LYZ: variants seen among roughly 807,000 people sequenced by gnomAD.
LYZ encodes lysozyme C.
In LYZ, 18 loss-of-function variants were observed where a neutral mutation model predicts 15.8. That is an observed-to-expected ratio of 1.14 (90% CI 0.79 to 1.69). The LOEUF (loss-of-function observed/expected upper bound fraction) is 1.69, where lower values mean the gene tolerates loss of function less well. LYZ is among the 40% of genes most tolerant of loss of function. LYZ has a pLI of 0.00. For missense variants in LYZ, 139 were observed against 182.8 expected, an observed-to-expected ratio of 0.76 and a Z score of 1.38; for synonymous variants, 60 against 61.7, an observed-to-expected ratio of 0.97 and a Z score of 0.13.
chr12:69,349,491 G>C (rs1874794254), intron 1 of LYZ, among the ~76,000 whole-genome samples: 2 of 152,130 alleles, frequency 1.3e-5, no homozygotes, highest in Non-Finnish European at 2.9e-5. Context: ...AATTCAAGAT[G>C]TGCCATGAGG....
At chr12:69,349,368 G>A (rs1874791616) in intron 1 of LYZ, among the ~76,000 whole-genome samples, 1 of 152,184 alleles carries the variant, frequency 6.6e-6, no homozygotes, top group African/African-American at 2.4e-5. Context: ...AGAGCAGTAG[G>A]AACCTAGTTC....
Position 69,352,264 on chromosome 12 carries a change from A to T in LYZ, c.346A>T (p.Arg116Trp). ...CGCTGATGCTGTAGCTTGTGCAAAG[A>T]GGGTTGTCCGTGATCCACAAGGCAT... ...NIADAVACAK[R>W]VVRDPQGIRA... The change falls in exon 3 of 4, where the codon AGG becomes TGG. Residue 116 changes from arginine (R) to tryptophan (W), a missense_variant. By Grantham distance (101) the Arg-to-Trp change is moderately radical (BLOSUM62 -3). Coordinates refer to ENST00000261267, the MANE Select transcript of LYZ (RefSeq NM_000239.3). The T allele has an allele frequency of 6.2e-7, 1 of 1,614,050 alleles. No individual in the cohort carries two copies. Among genetic ancestry groups the T allele is most frequent in the Non-Finnish European group, 8.5e-7 (1 of 1,179,922 alleles).
At chr12:69,350,461 TG>T (rs1445399851) in intron 2 of LYZ, 189 bp downstream of exon 2, 8 of 603,616 alleles carry the variant, frequency 1.3e-5, no homozygotes, top group African/African-American at 3.7e-5. Context: ...AAAAGGTTGA[TG>T]TTTTTTAATA....
intron 2 of LYZ, among the ~76,000 whole-genome samples, 155 bp from the exon 3 acceptor site, chr12:69,352,065 T>A (rs1234208440): frequency 6.6e-6 from 1 of 152,174 alleles, no homozygotes; most frequent in East Asian, 1.9e-4. Context: ...TGGGAGAGAA[T>A]GAAGAGAGTT....
At chr12:69,352,098 T>C in intron 2 of LYZ, 122 bp from the exon 3 acceptor site, 1 of 680,354 alleles carries the variant, frequency 1.5e-6, no homozygotes, top group South Asian at 1.6e-5. Flanking sequence ...TACACATATA[T>C]GGACTCATAG....
At chr12:69,350,759 T>C (rs1874825932) in intron 2 of LYZ, among the ~76,000 whole-genome samples, 1 of 134,826 alleles carries the variant, frequency 7.4e-6, no homozygotes, top group Non-Finnish European at 1.5e-5. Flanking sequence ...TTTTTTTTTT[T>C]TTTTTTTTTT....
At chr12:69,349,571 G>C (rs1874795586) in intron 1 of LYZ, among the ~76,000 whole-genome samples, 1 of 152,198 alleles carries the variant, frequency 6.6e-6, no homozygotes, top group African/African-American at 2.4e-5. Context: ...ATTGAATTCA[G>C]ACATTTCCCC....
chr12:69,352,110 AAAT>A, intron 2 of LYZ, 107 bp from the exon 3 acceptor site: 1 of 721,956 alleles, frequency 1.4e-6, no homozygotes, highest in Non-Finnish European at 2.4e-6. Flanking sequence ...GACTCATAGA[AAAT>A]AATATCTTAC....
At chr12:69,350,737 CTTTTTTTTTTTTTTTT>C (rs60163961) in intron 2 of LYZ, among the ~76,000 whole-genome samples, 21 of 26,048 alleles carry the variant, frequency 8.1e-4, no homozygotes, top group South Asian at 2.8e-3. Flanking sequence ...TCTTCTATGC[CTTTTTTTTTTTTTTTT>C]TTTTTTTTTT....
chr12:69,349,729 A>G (rs1438395396), intron 1 of LYZ, among the ~76,000 whole-genome samples: 3 of 152,254 alleles, frequency 2.0e-5, no homozygotes, highest in African/African-American at 2.4e-5. Context: ...GATTAAAAAA[A>G]GCATTTTTCC....
chr12:69,351,037 C>T (rs1026772085), intron 2 of LYZ, among the ~76,000 whole-genome samples: 3 of 152,010 alleles, frequency 2.0e-5, no homozygotes, highest in African/African-American at 4.8e-5. Flanking sequence ...TCCTTAAGTG[C>T]TGGAATTACA....
intron 2 of LYZ, chr12:69,350,613 CT>C (rs527256319): frequency 3.0e-3 from 717 of 236,980 alleles, no homozygotes; most frequent in Middle Eastern, 6.3e-3. Flanking sequence ...AATTGTTTTA[CT>C]TTTTTTTTTA....
rs549646099 is a variant in LYZ, at chr12:69,348,494, C to A, written c.86C>A (p.Thr29Asn). Residue 29 changes from threonine to asparagine, a missense_variant, in exon 1 of 4, where the codon ACT becomes AAT. Transcript: ENST00000261267. ...TTTGAAAGGTGTGAGTTGGCCAGAA[C>A]TCTGAAAAGATTGGGAATGGATGGC... ...KVFERCELAR[T>N]LKRLGMDGYR... The A allele has an allele frequency of 1.9e-6, 3 of 1,614,090 alleles. No individual in the cohort carries two copies. The African/African-American group carries it at 4.0e-5, about 22-fold the overall frequency.
intron 1 of LYZ, among the ~76,000 whole-genome samples, 154 bp from the exon 2 acceptor site, chr12:69,349,954 A>T (rs971499022): frequency 2.6e-5 from 4 of 152,250 alleles, no homozygotes; most frequent in Non-Finnish European, 4.4e-5. Context: ...CAAGTCCCTT[A>T]TCTTAACACT....
At chr12:69,350,383 A>C in intron 2 of LYZ, 111 bp downstream of exon 2, 1 of 1,020,406 alleles carries the variant, frequency 9.8e-7, no homozygotes, top group Non-Finnish European at 1.5e-6. Flanking sequence ...ACTACATCTC[A>C]ACTTCCAGAA....
Position 69,352,231 on chromosome 12 carries a change from G to A in LYZ, c.313G>A (p.Asp105Asn), listed in dbSNP as rs1163421193. 6.2e-7 allele frequency: 1 copy of A among 1,613,414 alleles called. No homozygotes were observed. The highest frequency in any genetic ancestry group is 2.2e-5 in the East Asian group (1 of 44,876). The change falls in exon 3 of 4, where the codon GAT becomes AAT. Residue 105 changes from aspartate (D) to asparagine (N), a missense_variant. Asp to Asn is a conservative substitution (Grantham distance 23). Transcript: ENST00000261267. ...CHLSCSALLQ[D>N]NIADAVACAK... ...CACCTGTCTTTCAGCTTTGCTGCAA[G>A]ATAACATCGCTGATGCTGTAGCTTG...
chr12:69,353,281 G>C lies in LYZ; in HGVS notation c.*62G>C. Reference sequence around the variant, plus strand: ...CTCACATTAAGGGAGTAGGAATTAAGTGAAAGGTCACACTACCATTATTTC... The same window carrying C: ...CTCACATTAAGGGAGTAGGAATTAACTGAAAGGTCACACTACCATTATTTC... On this transcript the variant is annotated 3_prime_UTR_variant, in exon 4 of 4. Coordinates refer to ENST00000261267, the MANE Select transcript of LYZ (RefSeq NM_000239.3). 8.0e-7 allele frequency: 1 copy of C among 1,256,578 alleles called. No individual in the cohort carries two copies. Among genetic ancestry groups the C allele is most frequent in the Non-Finnish European group, 1.2e-6 (1 of 853,812 alleles). 77.8% of individuals were successfully genotyped at this position (1,256,578 alleles called of 1,614,324 possible). A position where few individuals can be genotyped will look rare whatever the true frequency, so the allele number is the denominator to read the frequency against.
chr12:69,352,825 C>T (rs565177440), intron 3 of LYZ, among the ~76,000 whole-genome samples: 20 of 152,222 alleles, frequency 1.3e-4, no homozygotes, highest in African/African-American at 4.1e-4. Context: ...CAGAGGATTG[C>T]GCCATTGTAC....
intron 3 of LYZ, among the ~76,000 whole-genome samples, chr12:69,352,767 C>T (rs12310080): frequency 0.016 from 2,371 of 152,184 alleles, 39 homozygotes; most frequent in African/African-American, 0.041. Flanking sequence ...CCCAGCCACT[C>T]GGGAGGCTGA....
Sources: gnomAD v4.1 joint callset for allele counts (sites outside exome capture counted in the v4.1 genomes callset) on GRCh38, gnomAD v4.1.1 for gene constraint, MANE v1.5 for transcripts, NCBI Gene and HGNC (gene_info 2026-07-23, HGNC 2026-07-21) for gene names.